The following FRK variants were observed in gnomAD, a reference collection of about 807,000 sequenced individuals.
FRK encodes the protein tyrosine-protein kinase FRK.
In FRK, 51 loss-of-function variants were observed where a neutral mutation model predicts 56.4. The ratio of observed to expected loss-of-function variants is 0.90; its 90% CI spans 0.72 to 1.14. FRK has a LOEUF of 1.14. Among genes scored for constraint, FRK ranks in the 50% most tolerant of loss-of-function variants. The pLI, the probability that FRK is intolerant of heterozygous loss-of-function variation, is 0.00. For synonymous variants in FRK, 245 were observed against 217.9 expected, an observed-to-expected ratio of 1.12 and a Z score of -1.10; for missense variants, 570 against 601.4, an observed-to-expected ratio of 0.95 and a Z score of 0.55.
At chr6:116,000,525 G>A (rs1012471375) in intron 2 of FRK, among the ~76,000 whole-genome samples, 4 of 151,940 alleles carry the variant, frequency 2.6e-5, no homozygotes, top group African/African-American at 7.3e-5. Context: ...TTACTTACAG[G>A]CATGAGCCAC....
chr6:115,973,380 G>A (rs549530941), intron 2 of FRK, among the ~76,000 whole-genome samples: 2 of 152,232 alleles, frequency 1.3e-5, no homozygotes, highest in Admixed American at 6.5e-5. Flanking sequence ...GACACAGGGA[G>A]GGGAGCATCA....
chr6:115,956,733 A>T (rs921677197), intron 4 of FRK, 123 bp from the exon 5 acceptor site: 2 of 691,114 alleles, frequency 2.9e-6, no homozygotes, highest in Admixed American at 3.3e-5. Context: ...TCAGTATCAC[A>T]AATCTTCAGA....
chr6:116,014,648 TA>T (rs1775583532), intron 1 of FRK, among the ~76,000 whole-genome samples: 2 of 151,934 alleles, frequency 1.3e-5, no homozygotes, highest in Non-Finnish European at 2.9e-5. Flanking sequence ...AGATCTTTGG[TA>T]AATTTGAAAA....
At chr6:115,962,425 A>G (rs1323528723) in intron 4 of FRK, among the ~76,000 whole-genome samples, 1 of 140,428 alleles carries the variant, frequency 7.1e-6, no homozygotes, top group East Asian at 2.2e-4. Context: ...AAAGAGACTT[A>G]GACTCCCACA....
intron 2 of FRK, among the ~76,000 whole-genome samples, chr6:115,992,695 G>A (rs1487469688): frequency 6.6e-6 from 1 of 151,738 alleles, no homozygotes; most frequent in Non-Finnish European, 1.5e-5. Flanking sequence ...TTTAGAAGAT[G>A]GGAAGTGCAA....
At chr6:116,079,237 CA>C in the FRK span, among the ~76,000 whole-genome samples, 2 of 151,688 alleles carry the variant, frequency 1.3e-5, no homozygotes, top group Admixed American at 1.3e-4. Flanking sequence ...CTTGAATTAT[CA>C]GACTTTTAAT....
intron 5 of FRK, among the ~76,000 whole-genome samples, chr6:115,954,191 G>A (rs1287833940): frequency 2.6e-5 from 4 of 152,196 alleles, no homozygotes; most frequent in Non-Finnish European, 5.9e-5. Flanking sequence ...AAGCATGCCT[G>A]GATGGTAGGA....
chr6:115,958,639 GAAAGAAAA>G (rs1475200407), intron 4 of FRK, among the ~76,000 whole-genome samples: 191 of 4,512 alleles, frequency 0.042, 7 homozygotes, highest in Middle Eastern at 0.17. Context: ...AAAAAGGAAA[GAAAGAAAA>G]GAAAGAAAGA....
the FRK span, among the ~76,000 whole-genome samples, chr6:116,070,134 TAA>T: frequency 6.3e-3 from 861 of 137,014 alleles, 8 homozygotes; most frequent in African/African-American, 0.019. Context: ...GCCCATTATT[TAA>T]AAAAAAAAAA....
At chr6:115,953,103 G>GA (rs201735683) in intron 5 of FRK, among the ~76,000 whole-genome samples, 27,340 of 131,700 alleles carry the variant, frequency 0.21, 3,209 homozygotes, top group Middle Eastern at 0.34. Context: ...TTTAAAAAAA[G>GA]AAAAAAAAAG....
At chr6:115,967,796 C>A (rs1473923243) in intron 3 of FRK, 77 bp from the exon 4 acceptor site, 19 of 1,136,818 alleles carry the variant, frequency 1.7e-5, no homozygotes, top group Non-Finnish European at 2.3e-5. Context: ...AAATAATAGT[C>A]TAGGTACTTT....
At chr6:115,966,373 G>T (rs987590471) in intron 4 of FRK, among the ~76,000 whole-genome samples, 2 of 152,176 alleles carry the variant, frequency 1.3e-5, no homozygotes, top group African/African-American at 4.8e-5. Context: ...AAGGAATGTT[G>T]TTCTAAAGTT....
At chr6:115,959,247 A>G (rs1773227967) in intron 4 of FRK, among the ~76,000 whole-genome samples, 1 of 152,176 alleles carries the variant, frequency 6.6e-6, no homozygotes, top group African/African-American at 2.4e-5. Flanking sequence ...CAATCACTAA[A>G]GCTGTTTGTG....
intron 5 of FRK, among the ~76,000 whole-genome samples, chr6:115,951,784 T>C (rs959894271): frequency 7.2e-5 from 11 of 152,218 alleles, no homozygotes; most frequent in African/African-American, 2.7e-4. Flanking sequence ...CTTTGAAGGG[T>C]GCAGTAGCCT....
intron 2 of FRK, among the ~76,000 whole-genome samples, chr6:115,981,370 C>T (rs780407610): frequency 9.9e-5 from 15 of 151,820 alleles, no homozygotes; most frequent in Non-Finnish European, 2.1e-4. Context: ...TGAAGTACAC[C>T]GTTAGTTGTT....
chr6:115,988,921 G>A lies in FRK; in HGVS notation c.466+14956C>T, dbSNP rs538486318. On this transcript the variant is annotated intron_variant, in intron 2 of 7. Coordinates refer to ENST00000606080, the MANE Select transcript of FRK (RefSeq NM_002031.3). The stretch of plus-strand genomic sequence containing the variant: ...AGCCCAGTGAAAAGAAAGAGGAACT[G>A]GATGCCCTCTTTCTGACTGACTTTC... 1.3e-4 allele frequency among the ~76,000 whole-genome samples: 20 copies of A among 152,020 alleles called. 1 individual carries two copies. The South Asian group carries it at 2.3e-3, about 17-fold the overall frequency.
intron 1 of FRK, among the ~76,000 whole-genome samples, chr6:116,027,354 G>C (rs1776131482): frequency 6.6e-6 from 1 of 152,102 alleles, no homozygotes; most frequent in African/African-American, 2.4e-5. Flanking sequence ...GTGAATATAA[G>C]TGGCCTAAAT....
intron 1 of FRK, among the ~76,000 whole-genome samples, chr6:116,049,408 C>G (rs1350198668): frequency 6.6e-6 from 1 of 152,184 alleles, no homozygotes; most frequent in Non-Finnish European, 1.5e-5. Context: ...GACAGTCTTT[C>G]TGCTCCAGGA....
At chr6:116,072,155 T>C in the FRK span, among the ~76,000 whole-genome samples, 1 of 152,136 alleles carries the variant, frequency 6.6e-6, no homozygotes, top group Admixed American at 6.6e-5. Flanking sequence ...GAAGCAGAAG[T>C]ATCAGGTACT....
Sources: gnomAD v4.1 joint callset for allele counts (sites outside exome capture counted in the v4.1 genomes callset) on GRCh38, gnomAD v4.1.1 for gene constraint, MANE v1.5 for transcripts, NCBI Gene and HGNC (gene_info 2026-07-23, HGNC 2026-07-21) for gene names.